The following NMRK1 variants were observed in gnomAD, a reference collection of about 807,000 sequenced individuals.
NMRK1 encodes the protein nicotinamide riboside kinase 1, also known as NRK 1.
In NMRK1, 28 loss-of-function variants were observed where a neutral mutation model predicts 29.9. The ratio of observed to expected loss-of-function variants is 0.94; its 90% CI spans 0.69 to 1.28. The LOEUF (loss-of-function observed/expected upper bound fraction) is 1.28, where lower values mean the gene tolerates loss of function less well. NMRK1 is among the 50% of genes most tolerant of loss of function. NMRK1 has a pLI of 0.00. For missense variants in NMRK1, 218 were observed against 233.1 expected, an observed-to-expected ratio of 0.94 and a Z score of 0.42; for synonymous variants, 58 against 73.0, an observed-to-expected ratio of 0.79 and a Z score of 1.05.
intron 4 of NMRK1, among the ~76,000 whole-genome samples, chr9:75,073,028 G>T (rs139177189): frequency 3.9e-5 from 6 of 152,154 alleles, no homozygotes; most frequent in African/African-American, 1.2e-4. Flanking sequence ...CTATGTTAAA[G>T]TCCTAATGCC....
intron 1 of NMRK1, among the ~76,000 whole-genome samples, chr9:75,084,314 C>T (rs967395222): frequency 1.3e-5 from 2 of 152,206 alleles, no homozygotes; most frequent in East Asian, 3.8e-4. Flanking sequence ...GCTCCAGTTT[C>T]TATGATCTGT....
At chr9:75,085,108 G>A (rs1824542079) in intron 1 of NMRK1, among the ~76,000 whole-genome samples, 2 of 152,154 alleles carry the variant, frequency 1.3e-5, no homozygotes, top group South Asian at 2.1e-4. Context: ...GATGTTAGTA[G>A]AGTGATATCC....
Position 75,079,727 on chromosome 9 carries a change from C to G in NMRK1, c.30-2147G>C, listed in dbSNP as rs537204055. On this transcript the variant is annotated intron_variant, in intron 2 of 8. Coordinates refer to ENST00000361092, the MANE Select transcript of NMRK1 (RefSeq NM_017881.3). Reference sequence around the variant, plus strand: ...AAACATGGCGGAAAGGAATAGGAACCTTCCTTGGGGAAGGGAATAGGATGG... The same window carrying G: ...AAACATGGCGGAAAGGAATAGGAACGTTCCTTGGGGAAGGGAATAGGATGG... 2.0e-5 allele frequency among the ~76,000 whole-genome samples: 3 copies of G among 152,028 alleles called. No individual in the cohort carries two copies. In the East Asian group the frequency reaches 5.8e-4, roughly 29 times the overall value.
chr9:75,067,500 C>T (rs1057108796), intron 7 of NMRK1, among the ~76,000 whole-genome samples: 1 of 152,190 alleles, frequency 6.6e-6, no homozygotes, highest in African/African-American at 2.4e-5. Flanking sequence ...AGCACTGATG[C>T]ACCCTTTGGA....
chr9:75,082,668 G>C (rs111563727), intron 2 of NMRK1: 4 of 167,538 alleles, frequency 2.4e-5, no homozygotes. Flanking sequence ...CCAAAACATG[G>C]GGGAAAGGAA....
chr9:75,076,695 T>C (rs1222279959), intron 4 of NMRK1, among the ~76,000 whole-genome samples: 5 of 152,128 alleles, frequency 3.3e-5, no homozygotes, highest in Non-Finnish European at 5.9e-5. Context: ...GGCAAAGTGA[T>C]CCTCCCACCT....
chr9:75,073,704 A>G (rs1823827424), intron 4 of NMRK1, among the ~76,000 whole-genome samples: 1 of 152,212 alleles, frequency 6.6e-6, no homozygotes, highest in South Asian at 2.1e-4. Context: ...ACACCACTGC[A>G]CTGCAGCCTG....
At chr9:75,082,977 C>T (rs1824403016) in intron 2 of NMRK1, 110 bp downstream of exon 2, 2 of 811,626 alleles carry the variant, frequency 2.5e-6, no homozygotes, top group African/African-American at 1.7e-5. Flanking sequence ...CTGCTCTTCC[C>T]CAGGACTCTG....
chr9:75,075,721 C>A (rs538461307), intron 4 of NMRK1, among the ~76,000 whole-genome samples: 14 of 152,232 alleles, frequency 9.2e-5, no homozygotes, highest in African/African-American at 3.4e-4. Flanking sequence ...TATTCACAAA[C>A]CTTTCTGAAC....
chr9:75,084,586 T>C (rs566879882), intron 1 of NMRK1, among the ~76,000 whole-genome samples: 1 of 152,302 alleles, frequency 6.6e-6, no homozygotes, highest in East Asian at 1.9e-4. Context: ...CTCAGGAGGT[T>C]GAGACCAGCC....
chr9:75,067,264 G>A (rs1247693302), intron 7 of NMRK1: 1 of 159,836 alleles, frequency 6.3e-6, no homozygotes. Context: ...CAGTGGTCTG[G>A]GATCTGCAAC....
intron 4 of NMRK1, among the ~76,000 whole-genome samples, chr9:75,072,896 C>T (rs978267655): frequency 2.6e-5 from 4 of 152,088 alleles, no homozygotes; most frequent in Admixed American, 6.6e-5. Context: ...TTATTAGGTG[C>T]ATGTTCTGTA....
In NMRK1 at chr9:75,069,812, G is replaced by T; in HGVS notation, c.319C>A (p.Pro107Thr). 1 of 1,612,360 alleles carries T rather than the reference G, an allele frequency of 6.2e-7. No individual in the cohort carries two copies. Among genetic ancestry groups the T allele is most frequent in the South Asian group, 1.1e-5 (1 of 90,782 alleles). ...IEGFLLFNYKPLDTIWNRSYF... is the reference protein window; with the variant it reads ...IEGFLLFNYKTLDTIWNRSYF... Reference sequence around the variant, plus strand: ...CTTCTATTCCATATAGTGTCAAGGGGCCTAAAATAACAGCATACTTAGTTC... The same window carrying T: ...CTTCTATTCCATATAGTGTCAAGGGTCCTAAAATAACAGCATACTTAGTTC... Residue 107 changes from proline (P) to threonine (T), a missense_variant and splice_region_variant, in exon 6 of 9, where the codon CCC becomes ACC. Coordinates refer to ENST00000361092, the MANE Select transcript of NMRK1 (RefSeq NM_017881.3).
At chr9:75,078,371 C>T in intron 2 of NMRK1, 3 of 1,571,826 alleles carry the variant, frequency 1.9e-6, no homozygotes, top group Non-Finnish European at 2.6e-6. Flanking sequence ...CCCCATCTCT[C>T]TCCACCTGGG....
chr9:75,071,893 C>T (rs1174092351), intron 4 of NMRK1, among the ~76,000 whole-genome samples: 1 of 152,146 alleles, frequency 6.6e-6, no homozygotes, highest in Non-Finnish European at 1.5e-5. Flanking sequence ...CTCTTTCCAC[C>T]TGAGTACTGC....
Position 75,083,843 on chromosome 9 carries a change from A to C in NMRK1, c.-35-693T>G, listed in dbSNP as rs557613875. The stretch of plus-strand genomic sequence containing the variant: ...GTATGGACTTATATAACAAGAGAAA[A>C]AACATTTTCACAATTTTTTTTGATG... On this transcript the variant is annotated intron_variant, in intron 1 of 8. Coordinates refer to ENST00000361092, the MANE Select transcript of NMRK1 (RefSeq NM_017881.3). 4.2e-4 allele frequency among the ~76,000 whole-genome samples: 64 copies of C among 152,332 alleles called. 3 individuals carry two copies. In the South Asian group the frequency reaches 0.013, roughly 32 times the overall value.
At chr9:75,085,516 G>C (rs1210348161) in intron 1 of NMRK1, among the ~76,000 whole-genome samples, 1 of 146,574 alleles carries the variant, frequency 6.8e-6, no homozygotes. Flanking sequence ...TGTGCACACA[G>C]AATGGAAAGG....
At chr9:75,066,380 GT>G (rs1224396562) in intron 8 of NMRK1, 3 of 432,136 alleles carry the variant, frequency 6.9e-6, no homozygotes, top group Non-Finnish European at 1.4e-5. Context: ...TTTACAGAAA[GT>G]CTTTAAGGGA....
At chr9:75,064,396 C>T (rs1823219165) in intron 8 of NMRK1, among the ~76,000 whole-genome samples, 1 of 152,140 alleles carries the variant, frequency 6.6e-6, no homozygotes, top group Admixed American at 6.5e-5. Flanking sequence ...AGAGAAGTGG[C>T]TCTGGCTCAT....
Sources: allele counts gnomAD v4.1 joint callset (sites outside exome capture counted in the v4.1 genomes callset), GRCh38; gene constraint gnomAD v4.1.1; transcripts MANE v1.5; gene names NCBI Gene and HGNC (gene_info 2026-07-23, HGNC 2026-07-21).